The following PTPRU variants were observed in gnomAD, a reference collection of about 807,000 sequenced individuals.
PTPRU encodes receptor-type tyrosine-protein phosphatase U.
Under a neutral mutation model 166.3 loss-of-function variants are expected in PTPRU, and 69 were observed. The observed-to-expected ratio is 0.41, with a 90% confidence interval of 0.34 to 0.51. The LOEUF is 0.51. Among genes scored for constraint, PTPRU ranks in the 20% least tolerant of loss-of-function variants. The probability of loss-of-function intolerance (pLI) is 0.09; values close to 1 mark genes in which losing one functional copy is unlikely to be tolerated. For missense variants in PTPRU, 1,657 were observed against 2,013.7 expected (o/e 0.82, Z 3.39); for synonymous variants, 793 against 814.0 (o/e 0.97, Z 0.44).
chr1:29,281,806 G>T (rs1289186875), intron 11 of PTPRU, among the ~76,000 whole-genome samples: 2 of 152,178 alleles, frequency 1.3e-5, no homozygotes, highest in South Asian at 4.1e-4. Flanking sequence ...AGGCATTTCT[G>T]CTTCCCCAAG....
intron 11 of PTPRU, among the ~76,000 whole-genome samples, chr1:29,282,168 G>A (rs1686107894): frequency 6.6e-6 from 1 of 152,218 alleles, no homozygotes; most frequent in South Asian, 2.1e-4. Flanking sequence ...GTTGCCTAGT[G>A]TATAGCACAG....
At chr1:29,310,824 C>T in intron 19 of PTPRU, 44 bp downstream of exon 19, 5 of 1,595,022 alleles carry the variant, frequency 3.1e-6, no homozygotes, top group Non-Finnish European at 4.3e-6. Context: ...ATGTGCCTCC[C>T]AGCGTGCTGG....
Position 29,259,273 on chromosome 1 carries a change from G to T in PTPRU, c.490G>T (p.Ala164Ser), listed in dbSNP as rs1414818070. 3 of 1,613,760 alleles carry T rather than the reference G, an allele frequency of 1.9e-6. No individual in the cohort carries two copies. Among genetic ancestry groups the T allele is most frequent in the Non-Finnish European group, 2.5e-6 (3 of 1,179,706 alleles). ...CCGCCTCCCCCAGGTGCTGTTTGAGGCCCTCATCTCCCCAGACCGCAGGGG... is the reference window on the plus strand; with the variant it reads ...CCGCCTCCCCCAGGTGCTGTTTGAGTCCCTCATCTCCCCAGACCGCAGGGG... Reference protein sequence around the residue: ...WPNEYQVLFEALISPDRRGYM... With the variant: ...WPNEYQVLFESLISPDRRGYM... Residue 164 changes from alanine to serine, a missense_variant, in exon 4 of 30, where the codon GCC becomes TCC. Physicochemically the swap from Ala to Ser is moderately conservative, Grantham distance 99. This residue lies in a region of PTPRU where 453 missense variants were observed against 496.9 expected (regional missense o/e 0.91). Transcript: ENST00000373779.
rs1026079241 is a variant in PTPRU at position 29,257,376 on chromosome 1, G to A, written c.206-1129G>A. Among the ~76,000 whole-genome samples the A allele has an allele frequency of 6.6e-6, 1 of 152,146 alleles. No individual in the cohort carries two copies. Among genetic ancestry groups the A allele is most frequent in the Non-Finnish European group, 1.5e-5 (1 of 68,026 alleles). On this transcript the variant is annotated intron_variant, in intron 2 of 29. Transcript: ENST00000373779. This position sits in a 1 kb window ranked among gnomAD's most constrained non-coding sequence, Gnocchi z 4.6. The stretch of plus-strand genomic sequence containing the variant: ...GCTTCTAGCTTACAGAGATGAATGA[G>A]ATCGCCTCCAGCAGAGTCCCTGGGG...
chr1:29,321,116 G>A (rs573588627), intron 26 of PTPRU, among the ~76,000 whole-genome samples: 9 of 151,658 alleles, frequency 5.9e-5, no homozygotes, highest in East Asian at 3.9e-4. Flanking sequence ...GTGCAGCCTC[G>A]ACCTCTTGGG....
chr1:29,280,812 T>C lies in PTPRU; in HGVS notation c.1868+671T>C, dbSNP rs984370292. On this transcript the variant is annotated intron_variant, in intron 11 of 29. Coordinates refer to ENST00000373779, the MANE Select transcript of PTPRU (RefSeq NM_133178.4). The surrounding 1 kb of genome is among the most constrained non-coding windows in gnomAD (Gnocchi z 4.2). ...GAGTGTGAGGGTGTTTGTGCAACTG[T>C]GTGCACGTACTGTTAGCCAGACCCC... Among the ~76,000 whole-genome samples, 5 of 152,226 alleles carry C rather than the reference T, an allele frequency of 3.3e-5. No homozygotes were observed. The East Asian group carries it at 9.7e-4, about 29-fold the overall frequency.
chr1:29,312,489 C>T (rs1283523789), intron 21 of PTPRU, 63 bp from the exon 22 acceptor site: 5 of 1,445,560 alleles, frequency 3.5e-6, no homozygotes, highest in Non-Finnish European at 4.7e-6. Flanking sequence ...TGGCACACAG[C>T]AGGTGTCTAA....
intron 22 of PTPRU, among the ~76,000 whole-genome samples, chr1:29,313,194 C>G (rs1197049681): frequency 6.6e-6 from 1 of 152,214 alleles, no homozygotes; most frequent in Non-Finnish European, 1.5e-5. Context: ...TTCTCCCTGG[C>G]TCCACATCTT....
In PTPRU at chr1:29,291,746, G is replaced by A. The variant is rs1686641146; in HGVS notation, c.2319-123G>A. On this transcript the variant is annotated intron_variant, in intron 14 of 29. Transcript: ENST00000373779. The surrounding 1 kb of genome is among the most constrained non-coding windows in gnomAD (Gnocchi z 4.1). Reference sequence around the variant, plus strand: ...GGCAGAGCCCTCAGCATCCAGAGATGCTTCTAGGACAGCTGCTGGCTCCTG... The same window carrying A: ...GGCAGAGCCCTCAGCATCCAGAGATACTTCTAGGACAGCTGCTGGCTCCTG... 9.9e-7 allele frequency: 1 copy of A among 1,008,368 alleles called. No homozygotes were observed. The highest frequency in any genetic ancestry group is 2.6e-5 in the Admixed American group (1 of 38,816). The allele number at this position is 1,008,368 out of a possible 1,614,324, so 62.5% of individuals were successfully genotyped here.
chr1:29,278,907 A>G (rs1178531731), intron 8 of PTPRU, 105 bp from the exon 9 acceptor site: 9 of 824,122 alleles, frequency 1.1e-5, no homozygotes, highest in Non-Finnish European at 1.8e-5. Flanking sequence ...GAGAGGCTGA[A>G]TAGTCCATGA....
intron 1 of PTPRU, among the ~76,000 whole-genome samples, chr1:29,242,841 TA>T (rs1684116750): frequency 6.6e-6 from 1 of 152,036 alleles, no homozygotes; most frequent in Non-Finnish European, 1.5e-5. Context: ...TTGCCTGGAC[TA>T]TTGCAGTAGC....
Position 29,291,823 on chromosome 1 carries a change from C to G in PTPRU, c.2319-46C>G. The G allele has an allele frequency of 1.2e-6, 2 of 1,601,490 alleles. No homozygotes were observed. Among genetic ancestry groups the G allele is most frequent in the Admixed American group, 1.7e-5 (1 of 58,656 alleles). On this transcript the variant is annotated intron_variant, in intron 14 of 29. Transcript: ENST00000373779. This position sits in a 1 kb window ranked among gnomAD's most constrained non-coding sequence, Gnocchi z 4.1. ...CTCCCCAGCCACCTCTGGGTGCTGT[C>G]CAGCCCCACACAATGCCTGTGTCTC... is the stretch of plus-strand genomic sequence containing the variant.
Position 29,260,435 on chromosome 1 carries a change from C to T in PTPRU, c.851-175C>T, listed in dbSNP as rs892810232. On this transcript the variant is annotated intron_variant, in intron 6 of 29. Coordinates refer to ENST00000373779, the MANE Select transcript of PTPRU (RefSeq NM_133178.4). This position sits in a 1 kb window ranked among gnomAD's most constrained non-coding sequence, Gnocchi z 8.3. Reference sequence around the variant, plus strand: ...GGGTCAGCCTTTGGAGCCAGGTGCCCCTTAGGGCCCGGGATTTAGTGGGGG... The same window carrying T: ...GGGTCAGCCTTTGGAGCCAGGTGCCTCTTAGGGCCCGGGATTTAGTGGGGG... Among the ~76,000 whole-genome samples the T allele has an allele frequency of 2.0e-5, 3 of 151,868 alleles. No homozygotes were observed. The highest frequency in any genetic ancestry group is 6.6e-5 in the Admixed American group (1 of 15,264).
intron 15 of PTPRU, among the ~76,000 whole-genome samples, chr1:29,294,193 A>G (rs1219536551): frequency 6.6e-6 from 1 of 152,258 alleles, no homozygotes; most frequent in Non-Finnish European, 1.5e-5. Flanking sequence ...CTTTCCTAGC[A>G]GCAGTGTGTA....
At position 29,260,716 on chromosome 1, in the gene PTPRU, C is replaced by T; in HGVS notation, c.957C>T (p.Arg319=). ...TCATTGGCGACGGGCCGATCGTGCG[C>T]AAGGAGATTGAGTACCGCATGGCGC... The part of the protein sequence containing the change: ...NSIIGDGPIV[R]KEIEYRMARG... Residue 319 remains arginine (R), a synonymous_variant, in exon 7 of 30, where the codon CGC becomes CGT. Transcript: ENST00000373779. This position sits in a 1 kb window ranked among gnomAD's most constrained non-coding sequence, Gnocchi z 8.3. The T allele has an allele frequency of 1.2e-6, 2 of 1,603,020 alleles. No individual in the cohort carries two copies. The highest frequency in any genetic ancestry group is 1.7e-6 in the Non-Finnish European group (2 of 1,174,228).
At position 29,259,883 on chromosome 1, in the gene PTPRU, C is replaced by A. The variant is rs919388670; in HGVS notation, c.689C>A (p.Ala230Glu). 1.3e-6 allele frequency: 2 copies of A among 1,531,028 alleles called. No homozygotes were observed. The highest frequency in any genetic ancestry group is 1.7e-6 in the Non-Finnish European group (2 of 1,145,238). 94.8% of individuals were successfully genotyped at this position (1,531,028 alleles called of 1,614,324 possible). Residue 230 changes from alanine (A) to glutamate (E), a missense_variant, in exon 6 of 30, where the codon GCG becomes GAG. Transcript: ENST00000373779. ...TCTTCCCTGCAGCGGCAGAGCGGGG[C>A]GCTGGTGCCGGCGGCGGGCGTGCGG... ...ERFLLQRQSG[A>E]LVPAAGVRHI...
Position 29,312,689 on chromosome 1 carries a change from C to T in PTPRU, c.3210C>T (p.Pro1070=). ...VKASTPPDAG[P]IVIHCSAGTG... The stretch of plus-strand genomic sequence containing the variant: ...CCTCCACCCCACCTGATGCCGGGCC[C>T]ATTGTCATCCACTGCAGGTGGGGGC... The change falls in exon 22 of 30, where the codon CCC becomes CCT. Residue 1070 remains proline, a synonymous_variant. Transcript: ENST00000373779. 1 of 1,607,834 alleles carries T rather than the reference C, an allele frequency of 6.2e-7. No individual in the cohort carries two copies. Among genetic ancestry groups the T allele is most frequent in the Non-Finnish European group, 8.5e-7 (1 of 1,175,472 alleles).
chr1:29,254,759 T>C (rs905257740), intron 1 of PTPRU, among the ~76,000 whole-genome samples: 1 of 152,056 alleles, frequency 6.6e-6, no homozygotes, highest in Non-Finnish European at 1.5e-5. Flanking sequence ...CCACTGTCTG[T>C]CCTCTATGGG....
intron 15 of PTPRU, among the ~76,000 whole-genome samples, chr1:29,302,206 T>C (rs1412463623): frequency 2.7e-5 from 4 of 150,298 alleles, no homozygotes; most frequent in African/African-American, 9.9e-5. Context: ...ACAAAAAAAA[T>C]TTAAAAAACG....
Sources: allele counts gnomAD v4.1 joint callset (sites outside exome capture counted in the v4.1 genomes callset), GRCh38; gene constraint gnomAD v4.1.1; regional missense constraint gnomAD v4.1.1; non-coding constraint Gnocchi (gnomAD v3.1); transcripts MANE v1.5; gene names NCBI Gene and HGNC (gene_info 2026-07-23, HGNC 2026-07-21).